MRTFA: variants seen among roughly 807,000 people sequenced by gnomAD.
MRTFA encodes myocardin related transcription factor A, also known as myocardin-related transcription factor A.
Under a neutral mutation model 83.5 loss-of-function variants are expected in MRTFA, and 20 were observed. The observed-to-expected ratio is 0.24, with a 90% CI of 0.17 to 0.35. The LOEUF (loss-of-function observed/expected upper bound fraction) is 0.35, where lower values mean the gene tolerates loss of function less well. Ranked by LOEUF, MRTFA falls within the 10% of genes least tolerant of loss-of-function variation. The pLI, the probability that MRTFA is intolerant of heterozygous loss-of-function variation, is 1.00. For synonymous variants in MRTFA, 659 were observed against 541.2 expected, an observed-to-expected ratio of 1.22 and a Z score of -3.02; for missense variants, 1,200 against 1,224.7, an observed-to-expected ratio of 0.98 and a Z score of 0.30.
intron 3 of MRTFA, among the ~76,000 whole-genome samples, chr22:40,515,732 A>G (rs987213618): frequency 2.0e-5 from 3 of 152,220 alleles, no homozygotes; most frequent in South Asian, 2.1e-4. Flanking sequence ...GCAGCCATGC[A>G]TATCAGGAAA....
At chr22:40,480,619 G>A (rs1025559020) in intron 3 of MRTFA, among the ~76,000 whole-genome samples, 4 of 152,046 alleles carry the variant, frequency 2.6e-5, no homozygotes, top group African/African-American at 7.3e-5. Flanking sequence ...AAAAGGAATC[G>A]AGATTTTAAC....
chr22:40,620,531 C>T (rs954291855), intron 1 of MRTFA, among the ~76,000 whole-genome samples: 7 of 149,752 alleles, frequency 4.7e-5, no homozygotes, highest in Non-Finnish European at 8.9e-5. Context: ...GGCTTGGCTT[C>T]CCAAAGTGCT....
chr22:40,490,492 G>A (rs1024572309), intron 3 of MRTFA, among the ~76,000 whole-genome samples: 32 of 151,840 alleles, frequency 2.1e-4, no homozygotes, highest in African/African-American at 5.1e-4. Flanking sequence ...CCAGCTACTC[G>A]GGAGGCTGAA....
chr22:40,504,463 A>G (rs549169003), intron 3 of MRTFA, among the ~76,000 whole-genome samples: 1 of 152,378 alleles, frequency 6.6e-6, no homozygotes, highest in African/African-American at 2.4e-5. Flanking sequence ...CAAACAAGTC[A>G]GTACATCACA....
At chr22:40,559,363 G>A (rs2055579885) in intron 2 of MRTFA, among the ~76,000 whole-genome samples, 1 of 152,250 alleles carries the variant, frequency 6.6e-6, no homozygotes, top group South Asian at 2.1e-4. Flanking sequence ...ACTCCAGCCT[G>A]GGCAACGAAG....
At chr22:40,448,097 G>C (rs899604680) in intron 4 of MRTFA, among the ~76,000 whole-genome samples, 1 of 152,144 alleles carries the variant, frequency 6.6e-6, no homozygotes, top group Non-Finnish European at 1.5e-5. Flanking sequence ...GGATCACGAG[G>C]TCAAGAGATC....
chr22:40,586,143 AATT>A (rs2056024167), intron 2 of MRTFA, among the ~76,000 whole-genome samples: 1 of 152,162 alleles, frequency 6.6e-6, no homozygotes, highest in African/African-American at 2.4e-5. Flanking sequence ...AGTTGAGAGT[AATT>A]ATTTTTTTTT....
Position 40,552,366 on chromosome 22 carries a change from A to G in MRTFA, c.-20T>C, listed in dbSNP as rs2055455431. The stretch of plus-strand genomic sequence containing the variant: ...ATCCACTTTGGCTTTCGTGATGGCA[A>G]TCTGGAAATGGAAGAAAAAATGGAA... On this transcript the variant is annotated splice_region_variant and 5_prime_UTR_variant, in exon 3 of 15. Transcript: ENST00000355630. 2.5e-6 allele frequency: 1 copy of G among 398,786 alleles called. No homozygotes were observed. The highest frequency in any genetic ancestry group is 4.4e-6 in the Non-Finnish European group (1 of 225,948). 24.7% of individuals were successfully genotyped at this position (398,786 alleles called of 1,614,324 possible).
intron 2 of MRTFA, chr22:40,587,282 C>A: frequency 2.1e-6 from 1 of 485,740 alleles, no homozygotes; most frequent in Non-Finnish European, 4.1e-6. Context: ...TCCCACATGC[C>A]CATCAGGAGC....
Position 40,550,064 on chromosome 22 carries a change from A to T in MRTFA, c.241+2042T>A, listed in dbSNP as rs533085802. ...ACTCTGTTGCAAAAAAAAAAAAAAA[A>T]AAAATTAAATTTAAAGATGAGATTG... On this transcript the variant is annotated intron_variant, in intron 3 of 14. Coordinates refer to ENST00000355630, the MANE Select transcript of MRTFA (RefSeq NM_020831.6). 5.1e-4 allele frequency among the ~76,000 whole-genome samples: 77 copies of T among 150,722 alleles called. 1 individual carries two copies. The East Asian group carries it at 0.014, about 27-fold the overall frequency.
chr22:40,610,149 C>T (rs998779548), intron 1 of MRTFA, among the ~76,000 whole-genome samples: 7 of 149,298 alleles, frequency 4.7e-5, no homozygotes, highest in Admixed American at 2.7e-4. Flanking sequence ...TGGGTTCAGA[C>T]GATTCTCCTG....
intron 1 of MRTFA, among the ~76,000 whole-genome samples, chr22:40,619,709 GA>G (rs1233907869): frequency 1.3e-5 from 2 of 151,758 alleles, no homozygotes; most frequent in Admixed American, 1.3e-4. Context: ...CTAACACAGT[GA>G]AACCCCGTCT....
At chr22:40,497,856 G>A (rs1286680017) in intron 3 of MRTFA, among the ~76,000 whole-genome samples, 3 of 151,954 alleles carry the variant, frequency 2.0e-5, no homozygotes, top group Admixed American at 6.5e-5. Flanking sequence ...TACCTTGGCC[G>A]GGCACAGTAG....
intron 1 of MRTFA, among the ~76,000 whole-genome samples, chr22:40,603,967 T>C (rs1401776148): frequency 6.6e-6 from 1 of 151,992 alleles, no homozygotes; most frequent in East Asian, 1.9e-4. Context: ...CATTGCATTA[T>C]TCTCCTTGTT....
intron 3 of MRTFA, among the ~76,000 whole-genome samples, chr22:40,500,790 C>G (rs2054454338): frequency 2.0e-5 from 3 of 151,542 alleles, no homozygotes; most frequent in Non-Finnish European, 2.9e-5. Flanking sequence ...CCCATGTCTA[C>G]TTCTTTCTAC....
At chr22:40,605,008 A>C (rs934339521) in intron 1 of MRTFA, among the ~76,000 whole-genome samples, 3 of 152,218 alleles carry the variant, frequency 2.0e-5, no homozygotes, top group Non-Finnish European at 4.4e-5. Flanking sequence ...TTAAATTCTG[A>C]AAAATTAAAC....
At chr22:40,498,867 C>G (rs1753197334) in intron 3 of MRTFA, among the ~76,000 whole-genome samples, 1 of 152,072 alleles carries the variant, frequency 6.6e-6, no homozygotes, top group South Asian at 2.1e-4. Context: ...AGTTACTTAA[C>G]CTCTCTAAGC....
intron 3 of MRTFA, among the ~76,000 whole-genome samples, chr22:40,538,343 C>T (rs565397457): frequency 6.9e-6 from 1 of 144,414 alleles, no homozygotes; most frequent in Non-Finnish European, 1.5e-5. Context: ...GCAAGATGTG[C>T]TTTGTTAAAC....
chr22:40,531,012 C>T (rs1243056570), intron 3 of MRTFA, among the ~76,000 whole-genome samples: 1 of 152,026 alleles, frequency 6.6e-6, no homozygotes, highest in African/African-American at 2.4e-5. Context: ...AATATATTGC[C>T]CTTGAGAAGC....
Sources: gnomAD v4.1 joint callset for allele counts (sites outside exome capture counted in the v4.1 genomes callset) on GRCh38, gnomAD v4.1.1 for gene constraint, MANE v1.5 for transcripts, NCBI Gene and HGNC (gene_info 2026-07-23, HGNC 2026-07-21) for gene names.